Variants in DNAJC8 observed in about 807,000 individuals in gnomAD.
The protein encoded by DNAJC8 is DnaJ heat shock protein family (Hsp40) member C8.
A neutral mutation model predicts 43.2 loss-of-function variants in DNAJC8; 24 were observed. The observed-to-expected ratio is 0.56, with a 90% confidence interval of 0.40 to 0.78. The LOEUF is 0.78. Among genes scored for constraint, DNAJC8 ranks in the 30% least tolerant of loss-of-function variants. The pLI, the probability that DNAJC8 is intolerant of heterozygous loss-of-function variation, is 0.00. For missense variants in DNAJC8, 207 were observed against 299.4 expected (o/e 0.69, Z 2.28); for synonymous variants, 83 against 98.0 (o/e 0.85, Z 0.90).
chr1:28,217,054 T>C (rs975538846), intron 2 of DNAJC8, among the ~76,000 whole-genome samples: 1 of 152,028 alleles, frequency 6.6e-6, no homozygotes, highest in Non-Finnish European at 1.5e-5. Flanking sequence ...GTGATCCGCC[T>C]GCCTCGGCCT....
intron 2 of DNAJC8, among the ~76,000 whole-genome samples, chr1:28,224,544 A>G (rs1646920539): frequency 6.6e-6 from 1 of 151,608 alleles, no homozygotes; most frequent in Non-Finnish European, 1.5e-5. Context: ...TTGGAATTAC[A>G]GGTGTGAGCC....
chr1:28,211,583 C>T (rs982681932), intron 3 of DNAJC8, among the ~76,000 whole-genome samples: 3 of 152,174 alleles, frequency 2.0e-5, no homozygotes, highest in Non-Finnish European at 4.4e-5. Flanking sequence ...CTCATTCTGC[C>T]TGTGCTCCAA....
At chr1:28,211,662 C>A (rs973415141) in intron 3 of DNAJC8, among the ~76,000 whole-genome samples, 73 of 152,152 alleles carry the variant, frequency 4.8e-4, no homozygotes, top group African/African-American at 1.7e-3. Context: ...TAGTCTTTGG[C>A]ATCTGCACTT....
intron 5 of DNAJC8, 45 bp from the exon 6 acceptor site, chr1:28,208,458 G>C (rs780161485): frequency 6.9e-7 from 1 of 1,445,144 alleles, no homozygotes; most frequent in South Asian, 1.2e-5. Context: ...TCTGTGCTTT[G>C]AGAATATCCA....
intron 2 of DNAJC8, among the ~76,000 whole-genome samples, chr1:28,222,674 T>C (rs1457995820): frequency 2.7e-5 from 4 of 150,322 alleles, no homozygotes; most frequent in Non-Finnish European, 5.9e-5. Flanking sequence ...TGGGTGGGAG[T>C]CACATGGCCC....
chr1:28,203,403 C>T (rs184844691), intron 8 of DNAJC8, among the ~76,000 whole-genome samples: 7 of 152,292 alleles, frequency 4.6e-5, no homozygotes, highest in Non-Finnish European at 1.0e-4. Flanking sequence ...TGCTTACCCC[C>T]TAAATTAAAA....
Position 28,212,180 on chromosome 1 carries a change from T to C in DNAJC8, c.238-1543A>G, listed in dbSNP as rs1259610437. Among the ~76,000 whole-genome samples, 3 of 43,950 alleles carry C rather than the reference T, an allele frequency of 6.8e-5. No individual in the cohort carries two copies. The South Asian group carries it at 1.9e-3, about 28-fold the overall frequency. The allele number at this position is 43,950 out of a possible 152,430, so 28.8% of individuals were successfully genotyped here. A position where few individuals can be genotyped will look rare whatever the true frequency, so the allele number is the denominator to read the frequency against. On this transcript the variant is annotated intron_variant, in intron 3 of 8. Transcript: ENST00000263697. The stretch of plus-strand genomic sequence containing the variant: ...CAATAAATAAATAAATATATATATA[T>C]ATATATATATATATATATATATATA...
At chr1:28,217,346 C>T (rs1029753224) in intron 2 of DNAJC8, among the ~76,000 whole-genome samples, 1 of 151,968 alleles carries the variant, frequency 6.6e-6, no homozygotes, top group African/African-American at 2.4e-5. Context: ...CCTGGCCAGG[C>T]ACAGTGGCTC....
intron 7 of DNAJC8, among the ~76,000 whole-genome samples, chr1:28,204,560 TA>T (rs1289185613): frequency 1.3e-5 from 2 of 152,086 alleles, no homozygotes; most frequent in Non-Finnish European, 2.9e-5. Flanking sequence ...AGAGAAATCA[TA>T]TTTTAGAACA....
At position 28,228,531 on chromosome 1, in the gene DNAJC8, A is replaced by T. The variant is rs539186360; in HGVS notation, c.180+391T>A. On this transcript the variant is annotated intron_variant, in intron 2 of 8. Transcript: ENST00000263697. ...GTACAATCACCCAAGTTTAAAGACA[A>T]TCTATATACAGGTTACATATCCCTA... Among the ~76,000 whole-genome samples the T allele has an allele frequency of 3.3e-5, 5 of 152,206 alleles. 1 individual carries two copies. The highest frequency in any genetic ancestry group is 1.2e-4 in the African/African-American group (5 of 41,538).
chr1:28,223,714 AAAAAAAAAAAAAAG>A (rs1436179936), intron 2 of DNAJC8, among the ~76,000 whole-genome samples: 15 of 52,438 alleles, frequency 2.9e-4, no homozygotes, highest in Non-Finnish European at 4.6e-4. Context: ...TTGTCTTTAC[AAAAAAAAAAAAAAG>A]AAAAAAAGAA....
chr1:28,226,964 C>T (rs1238897565), intron 2 of DNAJC8, among the ~76,000 whole-genome samples: 3 of 150,376 alleles, frequency 2.0e-5, no homozygotes, highest in Non-Finnish European at 4.4e-5. Flanking sequence ...ATTCCATTTT[C>T]CTCTGTTCCT....
At chr1:28,210,343 G>C in intron 4 of DNAJC8, 1 of 563,746 alleles carries the variant, frequency 1.8e-6, no homozygotes, top group Non-Finnish European at 3.1e-6. Flanking sequence ...ATGATCCTAT[G>C]CAATAACAGT....
At chr1:28,220,495 G>T (rs1482868820) in intron 2 of DNAJC8, among the ~76,000 whole-genome samples, 1 of 152,168 alleles carries the variant, frequency 6.6e-6, no homozygotes, top group Non-Finnish European at 1.5e-5. Flanking sequence ...CTGTAGGCTG[G>T]GAAGTTCAAG....
chr1:28,221,427 G>A (rs1293137914), intron 2 of DNAJC8, among the ~76,000 whole-genome samples: 4 of 152,106 alleles, frequency 2.6e-5, no homozygotes, highest in Admixed American at 1.3e-4. Context: ...CTTTCAGAGC[G>A]TGCAAACTCA....
rs1646730501 is a variant in DNAJC8, at chr1:28,201,074, C to T, written c.*174G>A. 2.1e-6 allele frequency: 2 copies of T among 972,180 alleles called. No individual in the cohort carries two copies. Among genetic ancestry groups the T allele is most frequent in the Non-Finnish European group, 3.0e-6 (2 of 672,118 alleles). The allele number at this position is 972,180 out of a possible 1,614,324, so 60.2% of individuals were successfully genotyped here. A position where few individuals can be genotyped will look rare whatever the true frequency, so the allele number is the denominator to read the frequency against. ...AGGTCTTTTTTTAAACCAAGCCCCT[C>T]ATTTCAATGTACAAAAGAATTACTC... On this transcript the variant is annotated 3_prime_UTR_variant, in exon 9 of 9. Coordinates refer to ENST00000263697, the MANE Select transcript of DNAJC8 (RefSeq NM_014280.3).
At chr1:28,215,152 G>C (rs1334520509) in intron 2 of DNAJC8, among the ~76,000 whole-genome samples, 156 bp from the exon 3 acceptor site, 5 of 152,052 alleles carry the variant, frequency 3.3e-5, no homozygotes, top group African/African-American at 4.8e-5. Context: ...AATTGCTAAA[G>C]AAATATGAAT....
intron 2 of DNAJC8, 59 bp from the exon 3 acceptor site, chr1:28,215,055 A>C: frequency 7.2e-7 from 1 of 1,385,092 alleles, no homozygotes; most frequent in Admixed American, 2.0e-5. Context: ...TGTATATTTA[A>C]GAGTTGCTCA....
intron 2 of DNAJC8, among the ~76,000 whole-genome samples, chr1:28,218,182 G>A (rs1167925100): frequency 2.7e-5 from 4 of 146,968 alleles, no homozygotes; most frequent in East Asian, 2.0e-4. Context: ...TGCAACCTCC[G>A]CCTCTGGGAT....
Sources: allele counts gnomAD v4.1 joint callset (sites outside exome capture counted in the v4.1 genomes callset), GRCh38; gene constraint gnomAD v4.1.1; transcripts MANE v1.5; gene names NCBI Gene and HGNC (gene_info 2026-07-23, HGNC 2026-07-21).